Variants in CHLSN observed in about 807,000 individuals in gnomAD.
The protein encoded by CHLSN is protein cholesin.
At chr7:1,028,390 GCGGCTGGAACCAGATCCAGC>G in the CHLSN span, 6 of 987,422 alleles carry the variant, frequency 6.1e-6, no homozygotes, top group African/African-American at 5.2e-5. Context: ...CCGGCCCGGC[GCGGCTGGAACCAGATCCAGC>G]CGGCTGGACC....
At chr7:1,091,217 C>T in the CHLSN span, among the ~76,000 whole-genome samples, 1 of 152,226 alleles carries the variant, frequency 6.6e-6, no homozygotes, top group Non-Finnish European at 1.5e-5. Context: ...AGGCCATGTA[C>T]TTCCCACAGG....
the CHLSN span, among the ~76,000 whole-genome samples, chr7:1,007,858 G>A: frequency 3.3e-5 from 5 of 152,150 alleles, no homozygotes; most frequent in African/African-American, 4.8e-5. Flanking sequence ...GGACCTTCCC[G>A]TGGGGTGCTC....
chr7:1,075,621 T>C, the CHLSN span, among the ~76,000 whole-genome samples: 17 of 151,302 alleles, frequency 1.1e-4, no homozygotes, highest in Non-Finnish European at 2.2e-4. Context: ...TTTTTTTTTT[T>C]TTTGAGACAG....
chr7:987,412 C>G, the CHLSN span: 2 of 1,594,436 alleles, frequency 1.3e-6, no homozygotes, highest in South Asian at 2.2e-5. Flanking sequence ...GGAGGACCAG[C>G]AGGCTCTGCC....
chr7:1,018,603 C>A, the CHLSN span, among the ~76,000 whole-genome samples: 1 of 152,152 alleles, frequency 6.6e-6, no homozygotes, highest in Non-Finnish European at 1.5e-5. Flanking sequence ...TGGGGTCCAG[C>A]CCAGAGTGTG....
At chr7:1,029,693 ACACTGAGCTCTGGTCGCGGGGCCCTGCT>A in the CHLSN span, among the ~76,000 whole-genome samples, 1 of 152,134 alleles carries the variant, frequency 6.6e-6, no homozygotes, top group East Asian at 1.9e-4. Context: ...GGTCCAGGAC[ACACTGAGCTCTGGTCGCGGGGCCCTGCT>A]CTGGAGGCCA....
the CHLSN span, among the ~76,000 whole-genome samples, chr7:1,131,089 G>A: frequency 4.6e-5 from 7 of 151,874 alleles, no homozygotes; most frequent in African/African-American, 1.7e-4. Context: ...TACTCAGGAG[G>A]TAGAGGTGGG....
the CHLSN span, chr7:1,092,302 C>A: frequency 6.2e-7 from 1 of 1,611,594 alleles, no homozygotes; most frequent in Non-Finnish European, 8.5e-7. Context: ...CACGCTGGTG[C>A]CCTTCACCGC....
chr7:998,152 C>G, the CHLSN span, among the ~76,000 whole-genome samples: 1 of 152,144 alleles, frequency 6.6e-6, no homozygotes, highest in African/African-American at 2.4e-5. Context: ...AAGCCAAGTA[C>G]GCGCCGGCAC....
At chr7:985,027 G>A in the CHLSN span, 3 of 1,612,218 alleles carry the variant, frequency 1.9e-6, no homozygotes, top group Non-Finnish European at 2.5e-6. Context: ...CCTGGGCGTG[G>A]GCCGGGAGCC....
the CHLSN span, among the ~76,000 whole-genome samples, chr7:1,047,519 A>T: frequency 6.6e-6 from 1 of 152,266 alleles, no homozygotes; most frequent in Non-Finnish European, 1.5e-5. Flanking sequence ...TTTCCTAAGC[A>T]TCTGGCTCCT....
the CHLSN span, among the ~76,000 whole-genome samples, chr7:1,010,776 G>A: frequency 5.6e-3 from 849 of 152,290 alleles, 10 homozygotes; most frequent in African/African-American, 0.019. Flanking sequence ...AGAAGAGGAC[G>A]GTGCAAAGCG....
At chr7:1,002,668 C>T in the CHLSN span, among the ~76,000 whole-genome samples, 24 of 44,304 alleles carry the variant, frequency 5.4e-4, no homozygotes, top group Admixed American at 8.1e-4. Flanking sequence ...TGGAGTCCTG[C>T]GGGTGAGTGG....
At chr7:1,132,633 G>A in the CHLSN span, among the ~76,000 whole-genome samples, 1 of 143,854 alleles carries the variant, frequency 7.0e-6, no homozygotes, top group African/African-American at 2.6e-5. Flanking sequence ...AGTCGAGGTT[G>A]TAATAAGCCA....
the CHLSN span, among the ~76,000 whole-genome samples, chr7:1,083,879 G>A: frequency 3.9e-5 from 6 of 152,212 alleles, no homozygotes; most frequent in East Asian, 3.9e-4. Context: ...TTCCGGGCTC[G>A]GCAGGCACAC....
At chr7:1,130,335 T>G in the CHLSN span, among the ~76,000 whole-genome samples, 1 of 152,146 alleles carries the variant, frequency 6.6e-6, no homozygotes, top group Non-Finnish European at 1.5e-5. Flanking sequence ...CCTGGGCCCC[T>G]GATGGAGGGG....
At chr7:1,087,737 TG>T in the CHLSN span, among the ~76,000 whole-genome samples, 1 of 152,274 alleles carries the variant, frequency 6.6e-6, no homozygotes, top group East Asian at 1.9e-4. Flanking sequence ...AAATTCTTTA[TG>T]GATCATGCAC....
the CHLSN span, chr7:1,029,039 G>T: frequency 6.5e-6 from 1 of 152,748 alleles, no homozygotes; most frequent in South Asian, 2.1e-4. Flanking sequence ...GATGAGTCAC[G>T]CAGCCTTTTC....
At chr7:1,030,752 C>T in the CHLSN span, among the ~76,000 whole-genome samples, 1 of 145,570 alleles carries the variant, frequency 6.9e-6, no homozygotes, top group African/African-American at 2.6e-5. Context: ...CTCTCTCTCC[C>T]GGGGCACGCG....
Sources: gnomAD v4.1 joint callset for allele counts (sites outside exome capture counted in the v4.1 genomes callset) on GRCh38, gnomAD v4.1.1 for gene constraint, MANE v1.5 for transcripts, NCBI Gene and HGNC (gene_info 2026-07-23, HGNC 2026-07-21) for gene names.